ADAM28: variants seen among roughly 807,000 people sequenced by gnomAD.
ADAM28 encodes the protein disintegrin and metalloproteinase domain-containing protein 28.
Under a neutral mutation model 101.2 loss-of-function variants are expected in ADAM28, and 105 were observed. The ratio of observed to expected loss-of-function variants is 1.04; its 90% CI spans 0.89 to 1.22. The LOEUF is 1.22. ADAM28 is among the 50% of genes most tolerant of loss of function. ADAM28 has a pLI of 0.00. For synonymous variants in ADAM28, 322 were observed against 310.6 expected, an observed-to-expected ratio of 1.04 and a Z score of -0.39; for missense variants, 1,028 against 945.4, an observed-to-expected ratio of 1.09 and a Z score of -1.15.
intron 2 of ADAM28, among the ~76,000 whole-genome samples, chr8:24,308,192 A>G (rs1300994049): frequency 6.6e-6 from 1 of 151,980 alleles, no homozygotes; most frequent in African/African-American, 2.4e-5. Flanking sequence ...ATCAAGGTGC[A>G]TCTTACTTCT....
intron 6 of ADAM28, among the ~76,000 whole-genome samples, chr8:24,314,231 T>C (rs1043336718): frequency 2.0e-5 from 3 of 152,160 alleles, no homozygotes; most frequent in Admixed American, 2.0e-4. Flanking sequence ...TATGAAGTGA[T>C]TATTATTATT....
At chr8:24,311,261 T>C in intron 4 of ADAM28, 100 bp from the exon 5 acceptor site, 1 of 804,882 alleles carries the variant, frequency 1.2e-6, no homozygotes, top group Non-Finnish European at 2.0e-6. Flanking sequence ...GAATATTGTT[T>C]GAAAGCATTT....
intron 22 of ADAM28, 137 bp from the exon 23 acceptor site, chr8:24,354,247 G>A (rs73217070): frequency 0.021 from 15,036 of 717,682 alleles, 246 homozygotes; most frequent in Non-Finnish European, 0.024. Context: ...CTACTTCTTC[G>A]TTTTTGCTGT....
chr8:24,310,508 A>G, intron 4 of ADAM28: 2 of 323,374 alleles, frequency 6.2e-6, no homozygotes, highest in East Asian at 6.4e-5. Flanking sequence ...TATTTTCTTG[A>G]GAGTGAAGAG....
At chr8:24,318,169 G>T (rs1236606903) in intron 6 of ADAM28, among the ~76,000 whole-genome samples, 1 of 152,004 alleles carries the variant, frequency 6.6e-6, no homozygotes, top group Non-Finnish European at 1.5e-5. Flanking sequence ...CCAGAAGTTG[G>T]TGAAACTCCT....
intron 2 of ADAM28, chr8:24,308,594 T>G (rs777865227): frequency 2.2e-5 from 10 of 456,096 alleles, no homozygotes; most frequent in African/African-American, 6.0e-5. Flanking sequence ...TAAGAGGTTA[T>G]GACTATTCTG....
rs906685658 is a variant in ADAM28 at position 24,358,248 on chromosome 8, T to G, written c.*3844T>G. 6.6e-6 allele frequency: 1 copy of G among 152,194 alleles called. No individual in the cohort carries two copies. Among genetic ancestry groups the G allele is most frequent in the African/African-American group, 2.4e-5 (1 of 41,448 alleles). 9.4% of individuals were successfully genotyped at this position (152,194 alleles called of 1,614,324 possible). A position where few individuals can be genotyped will look rare whatever the true frequency, so the allele number is the denominator to read the frequency against. ...TTCAAAGACACCATTATTTCCTAAG[T>G]GTTATATTGCTATTTTTCAGTTGGT... On this transcript the variant is annotated 3_prime_UTR_variant, in exon 23 of 23. Coordinates refer to ENST00000265769, the MANE Select transcript of ADAM28 (RefSeq NM_014265.6).
chr8:24,299,968 T>TC lies in ADAM28; in HGVS notation c.47-5dup, dbSNP rs754885982. On this transcript the variant is annotated splice_region_variant and splice_polypyrimidine_tract_variant and intron_variant, in intron 1 of 22. Transcript: ENST00000265769. ...GGATAAGTCTTTTCTTTTTCTTTTTTCTCAGTAAGTGCTATAAAAGAACTC... is the reference window on the plus strand; with the variant it reads ...GGATAAGTCTTTTCTTTTTCTTTTTTCCTCAGTAAGTGCTATAAAAGAACTC... 6 of 1,604,800 alleles carry TC rather than the reference T, an allele frequency of 3.7e-6. No homozygotes were observed. In the East Asian group the frequency reaches 1.1e-4, roughly 30 times the overall value.
Position 24,353,769 on chromosome 8 carries a change from G to A in ADAM28, c.2245-1G>A, listed in dbSNP as rs1484625240. 1.3e-6 allele frequency: 2 copies of A among 1,487,878 alleles called. No individual in the cohort carries two copies. Among genetic ancestry groups the A allele is most frequent in the Non-Finnish European group, 1.9e-6 (2 of 1,066,082 alleles). The allele number at this position is 1,487,878 out of a possible 1,614,324, so 92.2% of individuals were successfully genotyped here. A position where few individuals can be genotyped will look rare whatever the true frequency, so the allele number is the denominator to read the frequency against. ...TACCATTGTTTTTATAATTAACGTA[G>A]CATAAAGACACAAACGCACTTCCCC... On this transcript the variant is annotated splice_acceptor_variant, in intron 21 of 22. Transcript: ENST00000265769. LOFTEE classifies it high-confidence loss of function.
intron 4 of ADAM28, among the ~76,000 whole-genome samples, chr8:24,310,558 C>A (rs1810318790): frequency 6.6e-6 from 1 of 152,068 alleles, no homozygotes; most frequent in Non-Finnish European, 1.5e-5. Flanking sequence ...TCTATCATTT[C>A]TCTGGATTTG....
intron 1 of ADAM28, among the ~76,000 whole-genome samples, chr8:24,299,269 C>T (rs570772206): frequency 9.8e-5 from 15 of 152,314 alleles, no homozygotes; most frequent in Admixed American, 2.0e-4. Context: ...TGGATCAAAT[C>T]ACTTTTCAGT....
At chr8:24,329,165 A>G (rs138489402) in intron 10 of ADAM28, among the ~76,000 whole-genome samples, 1 of 152,090 alleles carries the variant, frequency 6.6e-6, no homozygotes. Flanking sequence ...TACCATGTTC[A>G]TCTCAAAAGA....
chr8:24,335,000 C>G (rs1271771365), intron 13 of ADAM28, among the ~76,000 whole-genome samples: 4 of 152,118 alleles, frequency 2.6e-5, no homozygotes, highest in Non-Finnish European at 5.9e-5. Flanking sequence ...TGGGAAAGTC[C>G]GAGTCTGCTG....
In ADAM28 at chr8:24,294,179, C is replaced by T. The variant is rs1807649605; in HGVS notation, c.30C>T (p.Leu10=). The change falls in exon 1 of 23, where the codon CTC becomes CTT. Residue 10 remains leucine, a synonymous_variant. Coordinates refer to ENST00000265769, the MANE Select transcript of ADAM28 (RefSeq NM_014265.6). Reference sequence around the variant, plus strand: ...TGCAAGGTCTCCTGCCAGTCAGTCTCCTCCTCTCTGTTGCAGGTACATATT... The same window carrying T: ...TGCAAGGTCTCCTGCCAGTCAGTCTTCTCCTCTCTGTTGCAGGTACATATT... MLQGLLPVS[L]LLSVAVSAIK... is the part of the protein sequence containing the mutation. 1.2e-6 allele frequency: 2 copies of T among 1,614,036 alleles called. No individual in the cohort carries two copies. The highest frequency in any genetic ancestry group is 1.7e-5 in the Admixed American group (1 of 59,996).
intron 1 of ADAM28, among the ~76,000 whole-genome samples, chr8:24,299,231 G>C (rs145578675): frequency 2.0e-5 from 3 of 152,268 alleles, no homozygotes; most frequent in African/African-American, 7.2e-5. Flanking sequence ...AGACAACATG[G>C]AGAGGAGCAT....
At chr8:24,313,617 T>C (rs2129272592) in intron 6 of ADAM28, 37 bp downstream of exon 6, 1 of 1,588,600 alleles carries the variant, frequency 6.3e-7, no homozygotes, top group South Asian at 1.2e-5. Context: ...TGCTCTCATG[T>C]ATTCTGCCCT....
At chr8:24,304,182 T>C (rs1170188343) in intron 2 of ADAM28, among the ~76,000 whole-genome samples, 1 of 150,402 alleles carries the variant, frequency 6.6e-6, no homozygotes. Flanking sequence ...TTTGAATATA[T>C]ATTTTGATTA....
At chr8:24,339,633 C>A in intron 15 of ADAM28, 65 bp downstream of exon 15, 2 of 1,339,294 alleles carry the variant, frequency 1.5e-6, no homozygotes, top group South Asian at 1.3e-5. Context: ...TCCAGCTACA[C>A]ATTCTGATTT....
chr8:24,336,185 T>C, intron 14 of ADAM28: 1 of 983,082 alleles, frequency 1.0e-6, no homozygotes, highest in Non-Finnish European at 1.2e-6. Context: ...GCTTTGTCCA[T>C]AATGCCAAAA....
Sources: gnomAD v4.1 joint callset for allele counts (sites outside exome capture counted in the v4.1 genomes callset) on GRCh38, gnomAD v4.1.1 for gene constraint, MANE v1.5 for transcripts, NCBI Gene and HGNC (gene_info 2026-07-23, HGNC 2026-07-21) for gene names.